CFAP251: variants seen among roughly 807,000 people sequenced by gnomAD.
CFAP251 encodes the protein cilia- and flagella-associated protein 251.
A neutral mutation model predicts 126.7 loss-of-function variants in CFAP251; 93 were observed. The ratio of observed to expected loss-of-function variants is 0.73; its 90% CI spans 0.62 to 0.87. The LOEUF is 0.87. CFAP251 is among the 40% of genes least tolerant of loss of function. The pLI is 0.00. For missense variants in CFAP251, 1,287 were observed against 1,389.2 expected (o/e 0.93, Z 1.17); for synonymous variants, 503 against 506.9 (o/e 0.99, Z 0.10).
chr12:121,962,193 G>T, intron 15 of CFAP251, 31 bp downstream of exon 15: 1 of 1,600,746 alleles, frequency 6.2e-7, no homozygotes, highest in Non-Finnish European at 8.5e-7. Flanking sequence ...ATTGCAGGGG[G>T]CGTGGATCAA....
At position 121,926,456 on chromosome 12, in the gene CFAP251, A is replaced by G. The variant is rs1880419769; in HGVS notation, c.747+2466A>G. ...ATCTTCCCACCTCAGCCTCCCCAGT[A>G]TCTGGGACTACAGGTGTGTATCACC... On this transcript the variant is annotated intron_variant, in intron 3 of 21. Transcript: ENST00000288912. Among the ~76,000 whole-genome samples, 3 of 152,008 alleles carry G rather than the reference A, an allele frequency of 2.0e-5. No individual in the cohort carries two copies. In the South Asian group the frequency reaches 6.2e-4, roughly 32 times the overall value.
In CFAP251 at chr12:121,949,060, G is replaced by T. The variant is rs151062299; in HGVS notation, c.1268G>T (p.Trp423Leu). 1,000 of 1,564,838 alleles carry T rather than the reference G, an allele frequency of 6.4e-4. 9 individuals carry two copies. The highest frequency in any genetic ancestry group is 5.3e-3 in the South Asian group (436 of 82,646). Residue 423 changes from tryptophan (W) to leucine (L), a missense_variant and splice_region_variant, in exon 8 of 22, where the codon TGG becomes TTG. Physicochemically the swap from Trp to Leu is moderately conservative, Grantham distance 61 (BLOSUM62 -2). Transcript: ENST00000288912. ...AAAACACGGGCAATATATTATGCAT[G>T]GGTAAGCAGAAATATTTTGATTTGT... ...NSKTRAIYYA[W>L]YEERDTLAHS...
chr12:121,958,019 G>A (rs1456072002), intron 11 of CFAP251, among the ~76,000 whole-genome samples: 2 of 152,202 alleles, frequency 1.3e-5, no homozygotes, highest in Non-Finnish European at 2.9e-5. Context: ...ATTTGCATGT[G>A]CAGATTAGCT....
At chr12:121,969,721 C>T in intron 17 of CFAP251, 2 of 975,604 alleles carry the variant, frequency 2.1e-6, no homozygotes, top group Non-Finnish European at 2.4e-6. Context: ...CTCATGGGCT[C>T]AAGCCTTGGG....
chr12:121,934,676 A>G (rs951359998), intron 5 of CFAP251, among the ~76,000 whole-genome samples: 1 of 152,138 alleles, frequency 6.6e-6, no homozygotes, highest in Non-Finnish European at 1.5e-5. Flanking sequence ...CTCATTCCAT[A>G]CATTTCTTGT....
chr12:122,001,699 T>G (rs1253169611), intron 21 of CFAP251, 101 bp downstream of exon 21: 2 of 869,630 alleles, frequency 2.3e-6, no homozygotes, highest in Admixed American at 3.8e-5. Context: ...CCACTCTCCC[T>G]AAGACTGCAC....
intron 7 of CFAP251, 145 bp from the exon 8 acceptor site, chr12:121,948,839 T>A: frequency 1.9e-6 from 1 of 524,822 alleles, no homozygotes; most frequent in Non-Finnish European, 3.3e-6. Flanking sequence ...ATGATATTCC[T>A]ATTTTTTTTT....
chr12:121,931,935 C>A, intron 4 of CFAP251, 49 bp downstream of exon 4: 2 of 1,420,442 alleles, frequency 1.4e-6, no homozygotes, highest in African/African-American at 1.5e-5. Context: ...CTTTAACGTG[C>A]GTGTGGTATT....
intron 19 of CFAP251, among the ~76,000 whole-genome samples, chr12:121,988,337 C>T (rs748397893): frequency 6.6e-6 from 1 of 152,106 alleles, no homozygotes; most frequent in Non-Finnish European, 1.5e-5. Flanking sequence ...CCACGTAATC[C>T]TAGAACATGT....
chr12:121,958,370 G>C lies in CFAP251; in HGVS notation c.1829G>C (p.Cys610Ser). Residue 610 changes from cysteine (C) to serine (S), a missense_variant, in exon 12 of 22, where the codon TGT becomes TCT. By Grantham distance (112) the Cys-to-Ser change is moderately radical. Coordinates refer to ENST00000288912, the MANE Select transcript of CFAP251 (RefSeq NM_144668.6). Reference sequence around the variant, plus strand: ...TTTGTAGAGCCCAAGGATGCCATTTGTGCCATCTCCTGCCACCCATATCAA... The same window carrying C: ...TTTGTAGAGCCCAAGGATGCCATTTCTGCCATCTCCTGCCACCCATATCAA... ...KLFVEPKDAI[C>S]AISCHPYQPL... is the part of the protein sequence containing the mutation. 6.2e-7 allele frequency: 1 copy of C among 1,614,224 alleles called. No individual in the cohort carries two copies. The highest frequency in any genetic ancestry group is 2.2e-5 in the East Asian group (1 of 44,890).
At chr12:121,998,896 A>T (rs937974632) in intron 19 of CFAP251, 1 of 149,062 alleles carries the variant, frequency 6.7e-6, no homozygotes, top group African/African-American at 2.5e-5. Context: ...TATCAAAAAA[A>T]AAAAAAAAAA....
At chr12:121,956,974 C>A in intron 10 of CFAP251, 100 bp from the exon 11 acceptor site, 2 of 914,452 alleles carry the variant, frequency 2.2e-6, no homozygotes, top group Non-Finnish European at 3.1e-6. Context: ...TAAGTTTTTG[C>A]AATGCCCCAG....
At chr12:121,993,656 G>A (rs1423814211) in intron 19 of CFAP251, among the ~76,000 whole-genome samples, 10 of 138,062 alleles carry the variant, frequency 7.2e-5, no homozygotes, top group East Asian at 2.4e-4. Context: ...CTGCCCGGCC[G>A]AGACCCCGTC....
chr12:122,003,769 A>C lies in CFAP251; in HGVS notation c.*5A>C, dbSNP rs1883197453. 1 of 1,598,530 alleles carries C rather than the reference A, an allele frequency of 6.3e-7. No individual in the cohort carries two copies. Among genetic ancestry groups the C allele is most frequent in the Admixed American group, 1.8e-5 (1 of 55,594 alleles). ...TCCGGCCAGGATGGTCAGTGAAGTT[A>C]CCAGGAATGTTTAAAGCACAAAGGA... is the stretch of plus-strand genomic sequence containing the variant. On this transcript the variant is annotated 3_prime_UTR_variant, in exon 22 of 22. Transcript: ENST00000288912.
At chr12:122,001,752 T>C (rs1392441421) in intron 21 of CFAP251, 154 bp downstream of exon 21, 1 of 669,978 alleles carries the variant, frequency 1.5e-6, no homozygotes, top group Non-Finnish European at 2.7e-6. Flanking sequence ...GAATAAGTTA[T>C]GAAAAGAACA....
intron 19 of CFAP251, among the ~76,000 whole-genome samples, chr12:121,979,860 C>A (rs1882576107): frequency 6.6e-6 from 1 of 152,176 alleles, no homozygotes; most frequent in Admixed American, 6.5e-5. Context: ...GCCACCGTGC[C>A]CGGCCTCAGC....
At chr12:121,978,414 A>AAAAAAAAAAAAAAAAAAAAAAAAAAC (rs1882535094) in intron 19 of CFAP251, among the ~76,000 whole-genome samples, 2 of 148,910 alleles carry the variant, frequency 1.3e-5, no homozygotes, top group Non-Finnish European at 3.0e-5. Flanking sequence ...AAAAAAAAAA[A>AAAAAAAAAAAAAAAAAAAAAAAAAAC]AAAAAAATTA....
chr12:121,962,827 G>A (rs1355940954), intron 15 of CFAP251, among the ~76,000 whole-genome samples: 5 of 152,176 alleles, frequency 3.3e-5, no homozygotes, highest in Admixed American at 3.3e-4. Context: ...GCGAGGGGCT[G>A]CTGTGCGGTT....
chr12:121,988,893 G>A (rs750233214), intron 19 of CFAP251, among the ~76,000 whole-genome samples: 12 of 151,576 alleles, frequency 7.9e-5, no homozygotes, highest in Non-Finnish European at 1.2e-4. Context: ...CCGCCCCCAC[G>A]CCCAGCTAAT....
Sources: gnomAD v4.1 joint callset for allele counts (sites outside exome capture counted in the v4.1 genomes callset) on GRCh38, gnomAD v4.1.1 for gene constraint, MANE v1.5 for transcripts, NCBI Gene and HGNC (gene_info 2026-07-23, HGNC 2026-07-21) for gene names.